Variants in GMDS observed in about 807,000 individuals in gnomAD.
The protein encoded by GMDS is GDP-mannose 4,6-dehydratase, also known as GDP-mannose 4,6 dehydratase.
GMDS carries 20 observed loss-of-function variants against 49.9 expected under a neutral mutation model. That is an observed-to-expected ratio of 0.40 (90% CI 0.28 to 0.58). The LOEUF is 0.58. GMDS is among the 20% of genes least tolerant of loss of function. The pLI, the probability that GMDS is intolerant of heterozygous loss-of-function variation, is 0.42. For missense variants in GMDS, 362 were observed against 481.4 expected, an observed-to-expected ratio of 0.75 and a Z score of 2.32; for synonymous variants, 177 against 178.6, an observed-to-expected ratio of 0.99 and a Z score of 0.07.
intron 8 of GMDS, among the ~76,000 whole-genome samples, chr6:1,737,741 TAC>T (rs1225995187): frequency 1.3e-5 from 1 of 78,092 alleles, no homozygotes; most frequent in Non-Finnish European, 2.7e-5. Context: ...CACACACACA[TAC>T]ACATACACAT....
intron 1 of GMDS, among the ~76,000 whole-genome samples, chr6:2,127,856 G>C (rs558443759): frequency 2.5e-4 from 38 of 152,192 alleles, no homozygotes; most frequent in Non-Finnish European, 4.7e-4. Flanking sequence ...GCTCCAATCA[G>C]ACTAATGACT....
chr6:1,821,536 G>A (rs1770894113), intron 7 of GMDS, among the ~76,000 whole-genome samples: 1 of 151,004 alleles, frequency 6.6e-6, no homozygotes, highest in Non-Finnish European at 1.5e-5. Flanking sequence ...AGGTAATTGT[G>A]CACATTCCAA....
intron 2 of GMDS, among the ~76,000 whole-genome samples, chr6:2,120,834 C>G (rs994127018): frequency 6.6e-6 from 1 of 152,180 alleles, no homozygotes; most frequent in Non-Finnish European, 1.5e-5. Context: ...ACAGAACATG[C>G]CTGCTACTCA....
At chr6:2,166,553 C>T (rs1032982092) in intron 1 of GMDS, among the ~76,000 whole-genome samples, 1 of 152,190 alleles carries the variant, frequency 6.6e-6, no homozygotes, top group Non-Finnish European at 1.5e-5. Flanking sequence ...ACCCTAGAAC[C>T]TTATTCATAC....
intron 7 of GMDS, among the ~76,000 whole-genome samples, chr6:1,763,491 C>G (rs1023931049): frequency 6.6e-6 from 1 of 152,148 alleles, no homozygotes; most frequent in African/African-American, 2.4e-5. Context: ...TACTGTCTGG[C>G]GAGGCCACAG....
Position 1,743,399 on chromosome 6 carries a change from C to T in GMDS, c.772-813G>A, listed in dbSNP as rs189668304. Among the ~76,000 whole-genome samples the T allele has an allele frequency of 4.8e-3, 730 of 150,646 alleles. 9 individuals are homozygous for T. Among genetic ancestry groups the T allele is most frequent in the African/African-American group, 0.017 (682 of 41,138 alleles). On this transcript the variant is annotated intron_variant, in intron 7 of 10. Transcript: ENST00000380815. ...TACTAAAAATACAAAAAAAATTAGC[C>T]GGGCGTGGTGGGGGGCGCCTGTAGT... is the stretch of plus-strand genomic sequence containing the variant.
intron 9 of GMDS, among the ~76,000 whole-genome samples, chr6:1,644,098 C>T (rs901941477): frequency 1.3e-5 from 2 of 152,174 alleles, no homozygotes; most frequent in Non-Finnish European, 2.9e-5. Context: ...TGGCAAGGAA[C>T]CCCCGGTCTG....
chr6:1,721,190 G>C (rs779621328), intron 9 of GMDS, among the ~76,000 whole-genome samples: 5 of 152,098 alleles, frequency 3.3e-5, no homozygotes, highest in Non-Finnish European at 7.4e-5. Context: ...AAGTTTGCGG[G>C]GGGTGGGGAG....
At chr6:2,192,823 C>T (rs900105811) in intron 1 of GMDS, among the ~76,000 whole-genome samples, 1 of 152,136 alleles carries the variant, frequency 6.6e-6, no homozygotes, top group Non-Finnish European at 1.5e-5. Flanking sequence ...GGATCCAGGC[C>T]GGTACCATGA....
intron 1 of GMDS, among the ~76,000 whole-genome samples, chr6:2,169,402 T>C (rs1274833837): frequency 1.3e-5 from 2 of 151,694 alleles, no homozygotes; most frequent in Non-Finnish European, 2.9e-5. Context: ...AGGCCAGGAG[T>C]TCGAGACCAG....
intron 4 of GMDS, among the ~76,000 whole-genome samples, chr6:2,070,424 T>A (rs1380665923): frequency 5.3e-5 from 8 of 151,018 alleles, no homozygotes; most frequent in African/African-American, 1.9e-4. Flanking sequence ...ATAATAATAA[T>A]AAAAAAAAGA....
chr6:2,146,994 A>G (rs1213857491), intron 1 of GMDS, among the ~76,000 whole-genome samples: 2 of 152,218 alleles, frequency 1.3e-5, no homozygotes. Flanking sequence ...TCCCAAGGGT[A>G]TGAAGACTGG....
chr6:1,974,905 G>A (rs1764813422), intron 4 of GMDS, among the ~76,000 whole-genome samples: 2 of 151,836 alleles, frequency 1.3e-5, no homozygotes, highest in South Asian at 4.2e-4. Context: ...AGGCACGATG[G>A]TGGGCGCCTG....
chr6:2,154,750 G>A (rs1777017353), intron 1 of GMDS, among the ~76,000 whole-genome samples: 1 of 149,270 alleles, frequency 6.7e-6, no homozygotes, highest in Non-Finnish European at 1.5e-5. Context: ...AGAAAAGCTG[G>A]ATTTTTCAAA....
chr6:2,213,567 G>A (rs1780170185), intron 1 of GMDS, among the ~76,000 whole-genome samples: 1 of 152,098 alleles, frequency 6.6e-6, no homozygotes, highest in African/African-American at 2.4e-5. Context: ...GTGAAGGAGG[G>A]GCACATACGG....
At chr6:2,189,981 A>G (rs1477704617) in intron 1 of GMDS, among the ~76,000 whole-genome samples, 2 of 152,208 alleles carry the variant, frequency 1.3e-5, no homozygotes, top group Non-Finnish European at 2.9e-5. Flanking sequence ...GTGGTATCAA[A>G]TGTGAACCTT....
intron 4 of GMDS, among the ~76,000 whole-genome samples, chr6:2,081,295 A>G (rs934400551): frequency 5.3e-5 from 8 of 152,314 alleles, no homozygotes; most frequent in African/African-American, 1.7e-4. Context: ...AAGAGTCTGC[A>G]CACTGCTAAT....
intron 7 of GMDS, among the ~76,000 whole-genome samples, chr6:1,780,643 T>C (rs3800060): frequency 6.6e-6 from 1 of 152,190 alleles, no homozygotes; most frequent in African/African-American, 2.4e-5. Flanking sequence ...GCTCCCGCGC[T>C]GCTCTGCCCA....
At chr6:2,130,179 G>A (rs1343442953) in intron 1 of GMDS, among the ~76,000 whole-genome samples, 1 of 146,942 alleles carries the variant, frequency 6.8e-6, no homozygotes, top group African/African-American at 2.7e-5. Flanking sequence ...CCAAAGTGAA[G>A]AACAAAAATA....
Sources: allele counts gnomAD v4.1 joint callset (sites outside exome capture counted in the v4.1 genomes callset), GRCh38; gene constraint gnomAD v4.1.1; transcripts MANE v1.5; gene names NCBI Gene and HGNC (gene_info 2026-07-23, HGNC 2026-07-21).